ACAD11: variants seen among roughly 807,000 people sequenced by gnomAD.
ACAD11 encodes acyl-Coenzyme A dehydrogenase family, member 11.
A neutral mutation model predicts 102.2 loss-of-function variants in ACAD11; 83 were observed. The ratio of observed to expected loss-of-function variants is 0.81; its 90% CI spans 0.68 to 0.97. ACAD11 has a LOEUF of 0.97. Among genes scored for constraint, ACAD11 ranks in the 50% least tolerant of loss-of-function variants. ACAD11 has a pLI of 0.00. For synonymous variants in ACAD11, 324 were observed against 319.8 expected, an observed-to-expected ratio of 1.01 and a Z score of -0.14; for missense variants, 901 against 951.7, an observed-to-expected ratio of 0.95 and a Z score of 0.70.
At chr3:132,658,596 A>G (rs1168304542) in intron 1 of ACAD11, among the ~76,000 whole-genome samples, 1 of 152,242 alleles carries the variant, frequency 6.6e-6, no homozygotes, top group African/African-American at 2.4e-5. Context: ...TTACAACACA[A>G]GGCTTCTAGC....
At chr3:132,585,916 T>G (rs1220881113) in intron 13 of ACAD11, among the ~76,000 whole-genome samples, 1 of 152,172 alleles carries the variant, frequency 6.6e-6, no homozygotes, top group Non-Finnish European at 1.5e-5. Flanking sequence ...GTTCAACCAT[T>G]GTGGAAGTCA....
intron 4 of ACAD11, among the ~76,000 whole-genome samples, 163 bp downstream of exon 4, chr3:132,641,809 A>T (rs565909741): frequency 1.3e-5 from 2 of 152,318 alleles, no homozygotes; most frequent in East Asian, 3.9e-4. Flanking sequence ...TAATATAAAA[A>T]CATAAGATAA....
At chr3:132,583,236 T>C (rs962565015) in intron 13 of ACAD11, among the ~76,000 whole-genome samples, 3 of 152,198 alleles carry the variant, frequency 2.0e-5, no homozygotes, top group Non-Finnish European at 4.4e-5. Flanking sequence ...GACCCTGTTA[T>C]TGGTCTATTC....
At chr3:132,645,717 A>G (rs934468367) in intron 1 of ACAD11, 2 of 152,250 alleles carry the variant, frequency 1.3e-5, no homozygotes, top group African/African-American at 4.8e-5. Context: ...TCCAACCTCC[A>G]TCAGGAAAAA....
chr3:132,572,681 G>T lies in ACAD11; in HGVS notation c.2001+3091C>A, dbSNP rs518191. On this transcript the variant is annotated intron_variant, in intron 17 of 19. Coordinates refer to ENST00000264990, the MANE Select transcript of ACAD11 (RefSeq NM_032169.5). ...ACAGTAACCAAAACAGCATGGTACT[G>T]TTACAAAAACAGGTACATAGACCAA... 2.7e-3 allele frequency among the ~76,000 whole-genome samples: 417 copies of T among 152,328 alleles called. 4 individuals carry two copies. The highest frequency in any genetic ancestry group is 9.8e-3 in the African/African-American group (407 of 41,570).
intron 13 of ACAD11, among the ~76,000 whole-genome samples, chr3:132,592,605 G>A (rs565866164): frequency 3.9e-5 from 6 of 152,174 alleles, no homozygotes; most frequent in Admixed American, 6.5e-5. Context: ...AGTATAGTGT[G>A]GTTTGTAACA....
chr3:132,651,997 A>C (rs1329860354), intron 1 of ACAD11, among the ~76,000 whole-genome samples: 2 of 152,184 alleles, frequency 1.3e-5, no homozygotes, highest in African/African-American at 2.4e-5. Context: ...GGACTGTCAG[A>C]AGGCATGATT....
At position 132,616,399 on chromosome 3, in the gene ACAD11, T is replaced by A. The variant is rs140308235; in HGVS notation, c.1414+2235A>T. Among the ~76,000 whole-genome samples the A allele has an allele frequency of 5.4e-4, 82 of 152,344 alleles. No individual in the cohort carries two copies. The East Asian group carries it at 9.8e-3, about 18-fold the overall frequency. On this transcript the variant is annotated intron_variant, in intron 11 of 19. Coordinates refer to ENST00000264990, the MANE Select transcript of ACAD11 (RefSeq NM_032169.5). ...GAGAAGTCTTTGGTAGGATTATTTTTCATATTATGATCCATTAGTGCATCA... is the reference window on the plus strand; with the variant it reads ...GAGAAGTCTTTGGTAGGATTATTTTACATATTATGATCCATTAGTGCATCA...
intron 2 of ACAD11, 58 bp from the exon 3 acceptor site, chr3:132,642,860 T>G: frequency 6.6e-7 from 1 of 1,525,424 alleles, no homozygotes; most frequent in Non-Finnish European, 9.0e-7. Flanking sequence ...GTAATTAAAT[T>G]TAATAACTAC....
chr3:132,561,313 C>T, intron 17 of ACAD11, 96 bp from the exon 18 acceptor site: 1 of 884,944 alleles, frequency 1.1e-6, no homozygotes, highest in Non-Finnish European at 1.9e-6. Flanking sequence ...AAAACACTCT[C>T]TAAGCCAGAG....
rs758333344 is a variant in ACAD11 at position 132,659,588 on chromosome 3, G to A, written c.149+15C>T. 1.2e-6 allele frequency: 2 copies of A among 1,608,382 alleles called. No individual in the cohort carries two copies. Among genetic ancestry groups the A allele is most frequent in the Non-Finnish European group, 1.7e-6 (2 of 1,177,774 alleles). ...CAAATTTTTTTCCGCTGGAGGCAAA[G>A]GCTGACATCCATACCTGTACTGGGC... On this transcript the variant is annotated intron_variant, in intron 1 of 19. Transcript: ENST00000264990.
At chr3:132,573,863 A>C (rs1330105959) in intron 17 of ACAD11, among the ~76,000 whole-genome samples, 1 of 152,202 alleles carries the variant, frequency 6.6e-6, no homozygotes, top group Non-Finnish European at 1.5e-5. Flanking sequence ...GCCTGGAGTA[A>C]ATTAGAAGGC....
chr3:132,561,186 C>A lies in ACAD11; in HGVS notation c.2033G>T (p.Arg678Leu), dbSNP rs1345821278. ...CAAGCGGATCTTCTCAATGGCAATGCGGCTTTCAGCAATCCAGTGAGCCAC... is the reference window on the plus strand; with the variant it reads ...CAAGCGGATCTTCTCAATGGCAATGAGGCTTTCAGCAATCCAGTGAGCCAC... Reference protein sequence around the residue: ...EVVAHWIAESRIAIEKIRLLT... With the variant: ...EVVAHWIAESLIAIEKIRLLT... Residue 678 changes from arginine to leucine, a missense_variant, in exon 18 of 20, where the codon CGC becomes CTC. By Grantham distance (102) the Arg-to-Leu change is moderately radical. Coordinates refer to ENST00000264990, the MANE Select transcript of ACAD11 (RefSeq NM_032169.5). 1.2e-6 allele frequency: 2 copies of A among 1,613,108 alleles called. No individual in the cohort carries two copies. Among genetic ancestry groups the A allele is most frequent in the Admixed American group, 3.3e-5 (2 of 59,946 alleles).
At chr3:132,621,475 G>A (rs1029520018) in intron 9 of ACAD11, among the ~76,000 whole-genome samples, 3 of 152,004 alleles carry the variant, frequency 2.0e-5, no homozygotes, top group South Asian at 4.1e-4. Context: ...TATCTTTCAC[G>A]AACTAGGGCA....
At chr3:132,619,425 A>T (rs747525168) in intron 10 of ACAD11, 43 bp downstream of exon 10, 2 of 1,405,790 alleles carry the variant, frequency 1.4e-6, no homozygotes, top group South Asian at 2.6e-5. Context: ...GGATCTCAAA[A>T]AACACTTGCA....
chr3:132,646,006 G>C (rs1940702779), intron 1 of ACAD11: 1 of 149,878 alleles, frequency 6.7e-6, no homozygotes, highest in Non-Finnish European at 1.5e-5. Context: ...TTTTGAGACG[G>C]AGTCTCGCTC....
chr3:132,603,515 A>G (rs543911002), intron 12 of ACAD11, among the ~76,000 whole-genome samples, 188 bp from the exon 13 acceptor site: 1 of 152,370 alleles, frequency 6.6e-6, no homozygotes, highest in Admixed American at 6.5e-5. Flanking sequence ...GAATGAGTGA[A>G]TGAATGAAGT....
intron 17 of ACAD11, among the ~76,000 whole-genome samples, chr3:132,574,371 G>A (rs908014664): frequency 2.6e-5 from 4 of 152,126 alleles, no homozygotes; most frequent in African/African-American, 4.8e-5. Context: ...GCCAACAGCT[G>A]AACTTTGCTG....
chr3:132,650,343 C>G (rs1476258764), intron 1 of ACAD11: 1 of 152,172 alleles, frequency 6.6e-6, no homozygotes, highest in Non-Finnish European at 1.5e-5. Context: ...CTAGGGACTT[C>G]CCTAGAAGTG....
Sources: allele counts gnomAD v4.1 joint callset (sites outside exome capture counted in the v4.1 genomes callset), GRCh38; gene constraint gnomAD v4.1.1; transcripts MANE v1.5; gene names NCBI Gene and HGNC (gene_info 2026-07-23, HGNC 2026-07-21).